PTPRR: variants seen among roughly 807,000 people sequenced by gnomAD.
PTPRR encodes the protein protein tyrosine phosphatase receptor type R, also known as receptor-type tyrosine-protein phosphatase R.
In PTPRR, 38 loss-of-function variants were observed where a neutral mutation model predicts 77.2. The observed-to-expected ratio is 0.49, with a 90% CI of 0.38 to 0.65. The LOEUF is 0.65. Among genes scored for constraint, PTPRR ranks in the 30% least tolerant of loss-of-function variants. PTPRR has a pLI of 0.00. For missense variants in PTPRR, 744 were observed against 799.2 expected, an observed-to-expected ratio of 0.93 and a Z score of 0.83; for synonymous variants, 299 against 283.1, an observed-to-expected ratio of 1.06 and a Z score of -0.57.
At chr12:70,766,150 CA>C in intron 2 of PTPRR, among the ~76,000 whole-genome samples, 1 of 152,282 alleles carries the variant, frequency 6.6e-6, no homozygotes, top group South Asian at 2.1e-4. Context: ...AGCAACGGAA[CA>C]AAGCTGGACA....
chr12:70,670,098 A>G (rs988432684), intron 10 of PTPRR, among the ~76,000 whole-genome samples: 1 of 152,234 alleles, frequency 6.6e-6, no homozygotes, highest in African/African-American at 2.4e-5. Context: ...GAATAAGTCA[A>G]TGGGCAAAAT....
chr12:70,874,342 T>C (rs945521242), intron 2 of PTPRR, among the ~76,000 whole-genome samples: 1 of 152,124 alleles, frequency 6.6e-6, no homozygotes, highest in African/African-American at 2.4e-5. Context: ...CAGGCACAGG[T>C]GGCGACCAAG....
At chr12:70,731,772 T>C (rs1889671077) in intron 6 of PTPRR, among the ~76,000 whole-genome samples, 3 of 152,298 alleles carry the variant, frequency 2.0e-5, no homozygotes, top group African/African-American at 7.2e-5. Context: ...TATCATTCAG[T>C]CAATTTTTAG....
intron 13 of PTPRR, among the ~76,000 whole-genome samples, chr12:70,651,947 G>A (rs1886411383): frequency 6.6e-6 from 1 of 151,472 alleles, no homozygotes; most frequent in Non-Finnish European, 1.5e-5. Context: ...CTTCACTTGG[G>A]TTTATTTTGG....
chr12:70,672,071 G>T (rs746642741), intron 10 of PTPRR: 30 of 1,339,754 alleles, frequency 2.2e-5, no homozygotes, highest in Non-Finnish European at 3.2e-5. Context: ...TGGTGGAAGG[G>T]TTATCAACCT....
In PTPRR at chr12:70,920,410, G is replaced by A. The variant is rs1027755569; in HGVS notation, c.-20C>T. The A allele has an allele frequency of 1.2e-6, 2 of 1,610,416 alleles. No homozygotes were observed. Among genetic ancestry groups the A allele is most frequent in the East Asian group, 2.2e-5 (1 of 44,784 alleles). ...CCGCATAGTGTTTGCATTGAGAGGT[G>A]GAGGAGAAACTCCACCACGACCCCA... is the stretch of plus-strand genomic sequence containing the variant. On this transcript the variant is annotated 5_prime_UTR_variant, in exon 1 of 14. Transcript: ENST00000283228.
intron 10 of PTPRR, among the ~76,000 whole-genome samples, chr12:70,674,984 A>T (rs748704707): frequency 1.3e-5 from 2 of 152,076 alleles, no homozygotes; most frequent in African/African-American, 2.4e-5. Context: ...ATAGATTGAC[A>T]TTCCTTATCT....
intron 2 of PTPRR, among the ~76,000 whole-genome samples, chr12:70,814,380 A>G (rs1450824625): frequency 6.6e-6 from 1 of 152,136 alleles, no homozygotes; most frequent in Non-Finnish European, 1.5e-5. Context: ...GCCCAGTGAC[A>G]CCTAGATCCC....
At chr12:70,857,420 C>G (rs1335175053) in intron 2 of PTPRR, among the ~76,000 whole-genome samples, 1 of 152,210 alleles carries the variant, frequency 6.6e-6, no homozygotes, top group East Asian at 1.9e-4. Context: ...TGAATCCATA[C>G]TGTAGTGGAT....
intron 5 of PTPRR, among the ~76,000 whole-genome samples, chr12:70,746,779 G>A (rs2136930209): frequency 6.6e-6 from 1 of 151,822 alleles, no homozygotes; most frequent in East Asian, 1.9e-4. Context: ...GTAACCTCGA[G>A]CTCTCCTTAA....
At chr12:70,877,775 A>G (rs1048825112) in intron 2 of PTPRR, among the ~76,000 whole-genome samples, 1 of 152,208 alleles carries the variant, frequency 6.6e-6, no homozygotes, top group Non-Finnish European at 1.5e-5. Context: ...GAACCAAAAA[A>G]GAGCCTGCAT....
intron 13 of PTPRR, among the ~76,000 whole-genome samples, chr12:70,652,819 A>G (rs771304905): frequency 4.6e-5 from 7 of 152,136 alleles, no homozygotes; most frequent in Non-Finnish European, 1.0e-4. Flanking sequence ...CTAGAGGACA[A>G]TTTGTTAGAC....
At chr12:70,694,903 T>A (rs1267296943) in intron 8 of PTPRR, among the ~76,000 whole-genome samples, 2 of 152,250 alleles carry the variant, frequency 1.3e-5, no homozygotes, top group Non-Finnish European at 2.9e-5. Context: ...TATATTTTAT[T>A]GTCTGCTAAT....
chr12:70,809,056 G>T (rs1197926369), intron 2 of PTPRR, among the ~76,000 whole-genome samples: 3 of 152,152 alleles, frequency 2.0e-5, no homozygotes, highest in Non-Finnish European at 4.4e-5. Flanking sequence ...CCGCCAGAAG[G>T]GTTGGAAAAA....
chr12:70,657,574 T>A (rs1886631599), intron 12 of PTPRR, among the ~76,000 whole-genome samples: 1 of 152,216 alleles, frequency 6.6e-6, no homozygotes, highest in South Asian at 2.1e-4. Flanking sequence ...TTCTTTCAAA[T>A]CTACATCTAG....
intron 2 of PTPRR, among the ~76,000 whole-genome samples, chr12:70,845,715 A>T (rs1033769804): frequency 5.3e-5 from 8 of 152,222 alleles, no homozygotes; most frequent in Admixed American, 2.0e-4. Context: ...TAGTAGTTAT[A>T]TAAATGGTTG....
intron 2 of PTPRR, among the ~76,000 whole-genome samples, chr12:70,790,986 T>TCCACATCTATCATGGGCCAAAG: frequency 1.3e-5 from 2 of 152,318 alleles, no homozygotes; most frequent in African/African-American, 4.8e-5. Context: ...TTCTACCACC[T>TCCACATCTATCATGGGCCAAAG]CCACATCTAT....
intron 13 of PTPRR, among the ~76,000 whole-genome samples, chr12:70,651,864 C>T (rs538026846): frequency 6.6e-6 from 1 of 151,066 alleles, no homozygotes; most frequent in Non-Finnish European, 1.5e-5. Context: ...TGACTTTGGA[C>T]AAGTTACTCG....
intron 2 of PTPRR, among the ~76,000 whole-genome samples, chr12:70,890,336 TAAAA>T (rs1448095315): frequency 6.6e-6 from 1 of 152,042 alleles, no homozygotes; most frequent in African/African-American, 2.4e-5. Context: ...TGATTACTAA[TAAAA>T]AGAAGAAAGA....
Sources: allele counts gnomAD v4.1 joint callset (sites outside exome capture counted in the v4.1 genomes callset), GRCh38; gene constraint gnomAD v4.1.1; transcripts MANE v1.5; gene names NCBI Gene and HGNC (gene_info 2026-07-23, HGNC 2026-07-21).